The following WWOX variants were observed in gnomAD, a reference collection of about 807,000 sequenced individuals.
WWOX encodes WW domain containing oxidoreductase, also known as WW domain-containing oxidoreductase.
A neutral mutation model predicts 46.2 loss-of-function variants in WWOX; 69 were observed. The observed-to-expected ratio is 1.49, with a 90% CI of 1.23 to 1.82. The LOEUF is 1.82. WWOX is among the 40% of genes most tolerant of loss of function. The pLI is 0.00. For synonymous variants in WWOX, 359 were observed against 202.6 expected, an observed-to-expected ratio of 1.77 and a Z score of -6.56; for missense variants, 919 against 542.6, an observed-to-expected ratio of 1.69 and a Z score of -6.89.
chr16:78,104,067 G>T (rs1425826099), intron 1 of WWOX, among the ~76,000 whole-genome samples: 1 of 152,014 alleles, frequency 6.6e-6, no homozygotes, highest in East Asian at 1.9e-4. Context: ...GGGAAGTGAG[G>T]GACAAGGTCT....
At chr16:78,726,905 T>A (rs1195094834) in intron 8 of WWOX, among the ~76,000 whole-genome samples, 11 of 152,170 alleles carry the variant, frequency 7.2e-5, no homozygotes, top group Admixed American at 7.2e-4. Context: ...TGGGTATCAT[T>A]TCCGTGGGTG....
At position 78,738,323 on chromosome 16, in the gene WWOX, T is replaced by G. The variant is rs117278033; in HGVS notation, c.1056+305571T>G. On this transcript the variant is annotated intron_variant, in intron 8 of 8. Transcript: ENST00000566780. The stretch of plus-strand genomic sequence containing the variant: ...GGTGAAACAGAGCAATCACAATGAT[T>G]GTTTTTTCAGTATGGTAATAATTAG... Among the ~76,000 whole-genome samples the G allele has an allele frequency of 4.0e-3, 608 of 152,292 alleles. 3 individuals are homozygous for G. The highest frequency in any genetic ancestry group is 7.5e-3 in the Non-Finnish European group (509 of 68,018).
chr16:79,068,756 A>G (rs562702030), intron 8 of WWOX, among the ~76,000 whole-genome samples: 135 of 151,596 alleles, frequency 8.9e-4, no homozygotes, highest in Non-Finnish European at 1.5e-3. Flanking sequence ...GGCTGCAGTG[A>G]GATATGACCT....
chr16:78,184,102 A>C (rs2035619433), intron 5 of WWOX, among the ~76,000 whole-genome samples: 2 of 152,116 alleles, frequency 1.3e-5, no homozygotes, highest in African/African-American at 4.8e-5. Context: ...TGCTCACGGT[A>C]ATGCTTCCTT....
intron 8 of WWOX, among the ~76,000 whole-genome samples, chr16:78,861,461 T>C (rs891321276): frequency 6.6e-6 from 1 of 152,230 alleles, no homozygotes; most frequent in African/African-American, 2.4e-5. Context: ...TTATTACATG[T>C]GGCCATTGTT....
At chr16:79,153,623 A>G (rs971331275) in intron 8 of WWOX, among the ~76,000 whole-genome samples, 3 of 152,168 alleles carry the variant, frequency 2.0e-5, no homozygotes, top group African/African-American at 7.2e-5. Context: ...GAACCTCTAG[A>G]TTTTGTGGTC....
At chr16:79,152,515 A>G (rs1365165628) in intron 8 of WWOX, among the ~76,000 whole-genome samples, 37 of 152,092 alleles carry the variant, frequency 2.4e-4, no homozygotes, top group Admixed American at 1.8e-3. Context: ...ACTAAAAAAT[A>G]CAAAAATTAG....
chr16:78,495,016 G>A (rs939350470), intron 8 of WWOX, among the ~76,000 whole-genome samples: 3 of 152,060 alleles, frequency 2.0e-5, no homozygotes, highest in East Asian at 1.9e-4. Context: ...CAAGCCCCTC[G>A]GACATGACGT....
At chr16:78,975,929 C>T (rs151335422) in intron 8 of WWOX, among the ~76,000 whole-genome samples, 195 of 152,328 alleles carry the variant, frequency 1.3e-3, no homozygotes, top group African/African-American at 4.4e-3. Flanking sequence ...ACCCTTTGCC[C>T]TGCCACCCTC....
intron 8 of WWOX, among the ~76,000 whole-genome samples, chr16:79,164,730 A>C (rs2050557486): frequency 6.6e-6 from 1 of 152,078 alleles, no homozygotes; most frequent in Non-Finnish European, 1.5e-5. Context: ...AATTTATTCC[A>C]CTCGCATGTG....
intron 8 of WWOX, among the ~76,000 whole-genome samples, chr16:79,087,446 C>A (rs1223317385): frequency 6.6e-6 from 1 of 152,214 alleles, no homozygotes; most frequent in African/African-American, 2.4e-5. Flanking sequence ...GGCAGCTTTT[C>A]ATTTTCACAG....
At chr16:78,194,960 A>G (rs2036002718) in intron 5 of WWOX, among the ~76,000 whole-genome samples, 2 of 152,200 alleles carry the variant, frequency 1.3e-5, no homozygotes, top group South Asian at 4.1e-4. Context: ...ACGCGATAGC[A>G]GGTCCTTTTT....
intron 8 of WWOX, among the ~76,000 whole-genome samples, chr16:78,812,757 G>T (rs57707533): frequency 6.6e-5 from 10 of 151,840 alleles, no homozygotes; most frequent in African/African-American, 2.4e-4. Context: ...CTATCCAAAG[G>T]CCTTGACTAA....
chr16:78,201,661 G>A (rs900992750), intron 5 of WWOX, among the ~76,000 whole-genome samples: 1 of 151,532 alleles, frequency 6.6e-6, no homozygotes, highest in Non-Finnish European at 1.5e-5. Context: ...TCCCCTCACT[G>A]GGCATTCCTT....
At chr16:78,172,726 C>T (rs996629089) in intron 5 of WWOX, among the ~76,000 whole-genome samples, 2 of 152,082 alleles carry the variant, frequency 1.3e-5, no homozygotes, top group African/African-American at 4.8e-5. Context: ...GCATAGGTGG[C>T]TGGCTCTGAA....
At chr16:78,889,704 C>A (rs1175882897) in intron 8 of WWOX, among the ~76,000 whole-genome samples, 1 of 152,104 alleles carries the variant, frequency 6.6e-6, no homozygotes, top group Non-Finnish European at 1.5e-5. Context: ...GGGCAGGTGA[C>A]AATTTCTGCA....
intron 8 of WWOX, among the ~76,000 whole-genome samples, chr16:79,115,535 T>A (rs2049499437): frequency 6.6e-6 from 1 of 152,204 alleles, no homozygotes; most frequent in Non-Finnish European, 1.5e-5. Flanking sequence ...CCATCAGTTA[T>A]GCAGTTTACA....
At chr16:78,469,026 A>C (rs960326119) in intron 8 of WWOX, among the ~76,000 whole-genome samples, 9 of 152,142 alleles carry the variant, frequency 5.9e-5, no homozygotes, top group Admixed American at 4.6e-4. Context: ...CAAAAGACAG[A>C]TGGATGGATA....
intron 8 of WWOX, among the ~76,000 whole-genome samples, chr16:78,485,082 G>T (rs548693946): frequency 6.6e-6 from 1 of 152,028 alleles, no homozygotes; most frequent in Non-Finnish European, 1.5e-5. Flanking sequence ...TTCCAACTGG[G>T]ATTCCCAGCC....
Sources: allele counts gnomAD v4.1 joint callset (sites outside exome capture counted in the v4.1 genomes callset), GRCh38; gene constraint gnomAD v4.1.1; transcripts MANE v1.5; gene names NCBI Gene and HGNC (gene_info 2026-07-23, HGNC 2026-07-21).